TMEM74: variants seen among roughly 807,000 people sequenced by gnomAD.
TMEM74 encodes the protein transmembrane protein 74.
TMEM74 carries 13 observed loss-of-function variants against 18.1 expected under a neutral mutation model. That is an observed-to-expected ratio of 0.72 (90% CI 0.47 to 1.14). TMEM74 has a LOEUF of 1.14. Ranked by LOEUF, TMEM74 falls within the 50% of genes most tolerant of loss-of-function variation. The probability of loss-of-function intolerance (pLI) is 0.00; values close to 1 mark genes in which losing one functional copy is unlikely to be tolerated. For missense variants in TMEM74, 372 were observed against 375.9 expected, an observed-to-expected ratio of 0.99 and a Z score of 0.09; for synonymous variants, 159 against 146.6, an observed-to-expected ratio of 1.08 and a Z score of -0.61.
At chr8:108,673,333 A>C (rs576971381) in intron 1 of TMEM74, among the ~76,000 whole-genome samples, 1 of 152,282 alleles carries the variant, frequency 6.6e-6, no homozygotes, top group South Asian at 2.1e-4. Context: ...TACCTACTGG[A>C]AATACTAGTT....
At chr8:108,652,685 C>G (rs1199526860) in intron 2 of TMEM74, 1 of 571,500 alleles carries the variant, frequency 1.7e-6, no homozygotes, top group African/African-American at 1.9e-5. Context: ...ATCCAGGAAT[C>G]TGCCCCTAAC....
chr8:108,696,270 T>C (rs1431196729), intron 1 of TMEM74, among the ~76,000 whole-genome samples: 2 of 152,234 alleles, frequency 1.3e-5, no homozygotes, highest in Non-Finnish European at 2.9e-5. Flanking sequence ...TGAATTATTT[T>C]CTTAATCTAA....
At chr8:108,769,955 T>C (rs559820976) in intron 1 of TMEM74, among the ~76,000 whole-genome samples, 2 of 152,254 alleles carry the variant, frequency 1.3e-5, no homozygotes, top group African/African-American at 4.8e-5. Context: ...AGCATCTTTT[T>C]TTTTTTTTAA....
At chr8:108,699,145 T>TTTCC (rs150848011) in intron 1 of TMEM74, among the ~76,000 whole-genome samples, 3,681 of 68,642 alleles carry the variant, frequency 0.054, 180 homozygotes, top group Admixed American at 0.092. Context: ...CCCTCCCTCT[T>TTTCC]TTCCTTCCTT....
intron 1 of TMEM74, among the ~76,000 whole-genome samples, chr8:108,689,569 T>C (rs1813204483): frequency 6.6e-6 from 1 of 152,226 alleles, no homozygotes; most frequent in South Asian, 2.1e-4. Flanking sequence ...TTCACCCATG[T>C]AATTCTTGAA....
intron 1 of TMEM74, among the ~76,000 whole-genome samples, chr8:108,678,190 C>A (rs776248025): frequency 5.9e-5 from 9 of 152,078 alleles, no homozygotes; most frequent in Admixed American, 1.3e-4. Flanking sequence ...TTTAATCACA[C>A]AGGAGAAATT....
chr8:108,776,304 C>A (rs1245194313), downstream of TMEM74, among the ~76,000 whole-genome samples: 1 of 152,206 alleles, frequency 6.6e-6, no homozygotes, highest in Non-Finnish European at 1.5e-5. Flanking sequence ...ACCAGCCTGG[C>A]TAACATGGTG....
intron 1 of TMEM74, among the ~76,000 whole-genome samples, chr8:108,668,189 T>A (rs77444232): frequency 6.6e-6 from 1 of 152,126 alleles, no homozygotes; most frequent in South Asian, 2.1e-4. Flanking sequence ...CTCCTCAGTA[T>A]GTTCATAAAT....
In TMEM74 at chr8:108,781,945, A is replaced by C. The variant is rs1814311798; in HGVS notation, c.*2236T>G. Reference sequence around the variant, plus strand: ...ATTCCCAAACTCCTCTTCCTTCATAAACTGAAAATTGATTCCACATTAATT... The same window carrying C: ...ATTCCCAAACTCCTCTTCCTTCATACACTGAAAATTGATTCCACATTAATT... On this transcript the variant is annotated 3_prime_UTR_variant, in exon 2 of 2. Coordinates refer to ENST00000297459, the MANE Select transcript of TMEM74 (RefSeq NM_153015.3). 6.6e-6 allele frequency among the ~76,000 whole-genome samples: 1 copy of C among 152,200 alleles called. No individual in the cohort carries two copies. The highest frequency in any genetic ancestry group is 1.5e-5 in the Non-Finnish European group (1 of 68,024).
At chr8:108,738,610 C>T (rs1813770657) in intron 1 of TMEM74, among the ~76,000 whole-genome samples, 1 of 152,090 alleles carries the variant, frequency 6.6e-6, no homozygotes, top group African/African-American at 2.4e-5. Context: ...AATGAAGTGA[C>T]TATAAGGATG....
intron 1 of TMEM74, among the ~76,000 whole-genome samples, chr8:108,723,058 T>C (rs2066527753): frequency 1.3e-5 from 2 of 152,184 alleles, no homozygotes; most frequent in Non-Finnish European, 2.9e-5. Flanking sequence ...CACACGCATC[T>C]CTTTCCTGGG....
intron 1 of TMEM74, among the ~76,000 whole-genome samples, chr8:108,730,617 A>G (rs568273438): frequency 6.8e-6 from 1 of 147,722 alleles, no homozygotes; most frequent in African/African-American, 2.6e-5. Context: ...CTTTAGCTTT[A>G]AATGTATGCA....
At chr8:108,763,953 T>C (rs971120722) in intron 1 of TMEM74, among the ~76,000 whole-genome samples, 3 of 152,180 alleles carry the variant, frequency 2.0e-5, no homozygotes, top group African/African-American at 7.2e-5. Flanking sequence ...AAAGAGTTAG[T>C]GAAAAGCCTC....
chr8:108,765,506 A>T (rs1405344042), intron 1 of TMEM74, among the ~76,000 whole-genome samples: 1 of 149,186 alleles, frequency 6.7e-6, no homozygotes, highest in Non-Finnish European at 1.5e-5. Flanking sequence ...TCCTGGGTTC[A>T]AGTAATTCTC....
chr8:108,755,162 C>T (rs1813947314), intron 1 of TMEM74, among the ~76,000 whole-genome samples: 1 of 152,090 alleles, frequency 6.6e-6, no homozygotes, highest in Non-Finnish European at 1.5e-5. Context: ...TCTCCAGGAA[C>T]ACTGCAGTCA....
At chr8:108,667,897 A>G (rs1290381336) in intron 1 of TMEM74, among the ~76,000 whole-genome samples, 1 of 152,052 alleles carries the variant, frequency 6.6e-6, no homozygotes, top group Non-Finnish European at 1.5e-5. Context: ...TCCTCCCATA[A>G]TACTAAGAAG....
chr8:108,633,310 T>C (rs539326055), intron 2 of TMEM74, among the ~76,000 whole-genome samples: 1 of 152,162 alleles, frequency 6.6e-6, no homozygotes, highest in Admixed American at 6.6e-5. Context: ...GAACCATCAC[T>C]GGCTCAGGAG....
chr8:108,677,909 C>T (rs552923823), intron 1 of TMEM74, among the ~76,000 whole-genome samples: 1 of 152,122 alleles, frequency 6.6e-6, no homozygotes, highest in Admixed American at 6.5e-5. Context: ...CAAGCGTGAC[C>T]CAAGTTTTGA....
At chr8:108,642,885 G>A (rs553890292) in intron 2 of TMEM74, among the ~76,000 whole-genome samples, 5 of 152,072 alleles carry the variant, frequency 3.3e-5, no homozygotes, top group South Asian at 4.1e-4. Context: ...TCACGACTGC[G>A]CTCTGAATGA....
Sources: allele counts gnomAD v4.1 joint callset (sites outside exome capture counted in the v4.1 genomes callset), GRCh38; gene constraint gnomAD v4.1.1; transcripts MANE v1.5; gene names NCBI Gene and HGNC (gene_info 2026-07-23, HGNC 2026-07-21).